The following PRODH2 variants were observed in gnomAD, a reference collection of about 807,000 sequenced individuals.
PRODH2 encodes the protein proline dehydrogenase 2.
In PRODH2, 49 loss-of-function variants were observed where a neutral mutation model predicts 51.9. The observed-to-expected ratio is 0.94, with a 90% confidence interval of 0.75 to 1.20. The LOEUF (loss-of-function observed/expected upper bound fraction) is 1.20. Among genes scored for constraint, PRODH2 ranks in the 50% most tolerant of loss-of-function variants. The probability of loss-of-function intolerance (pLI) is 0.00; values close to 1 mark genes in which losing one functional copy is unlikely to be tolerated. For synonymous variants in PRODH2, 249 were observed against 260.7 expected (o/e 0.96, Z 0.43); for missense variants, 597 against 610.9 (o/e 0.98, Z 0.24).
intron 4 of PRODH2, among the ~76,000 whole-genome samples, chr19:35,807,625 G>A (rs1369077162): frequency 7.9e-5 from 12 of 151,990 alleles, no homozygotes; most frequent in Non-Finnish European, 1.5e-4. Flanking sequence ...CTTTGAACAC[G>A]AGGGCACCTT....
At chr19:35,801,356 C>T (rs998602725) in intron 9 of PRODH2, among the ~76,000 whole-genome samples, 8 of 152,048 alleles carry the variant, frequency 5.3e-5, no homozygotes, top group Admixed American at 6.6e-5. Flanking sequence ...ATCCCAGCTA[C>T]TTGGGAGGCT....
chr19:35,806,306 A>G (rs1460803862), intron 7 of PRODH2, 124 bp downstream of exon 7: 3 of 1,275,320 alleles, frequency 2.4e-6, no homozygotes, highest in African/African-American at 1.5e-5. Context: ...CTGGTCTCCA[A>G]CTCCTGCTCT....
Position 35,812,637 on chromosome 19 carries a change from G to C in PRODH2, c.169C>G (p.Leu57Val). The C allele has an allele frequency of 6.3e-7, 1 of 1,593,270 alleles. No homozygotes were observed. The highest frequency in any genetic ancestry group is 1.3e-5 in the African/African-American group (1 of 74,730). The change falls in exon 1 of 10, where the codon CTG (leucine) becomes GTG (valine). Residue 57 changes from leucine (L) to valine (V), a missense_variant. By Grantham distance (32) the Leu-to-Val change is conservative. Transcript: ENST00000653904. The part of the protein sequence containing the change: ...CAWPPLVTHG[L>V]LLQAWSRRLL... ...TCCTCAGGATCACTGCTCACCAACA[G>C]CCCGTGAGTGACGAGTGGGGGCCAG...
intron 9 of PRODH2, among the ~76,000 whole-genome samples, chr19:35,801,075 G>A (rs1972418487): frequency 6.6e-6 from 1 of 152,102 alleles, no homozygotes; most frequent in East Asian, 1.9e-4. Flanking sequence ...GCGGAGGCAG[G>A]AGAATCACTT....
chr19:35,810,198 G>A (rs149497690), intron 4 of PRODH2, among the ~76,000 whole-genome samples: 5,856 of 149,080 alleles, frequency 0.039, 164 homozygotes, highest in Non-Finnish European at 0.055. Flanking sequence ...GGCGGAGGTC[G>A]CAGTGAGCAG....
intron 7 of PRODH2, among the ~76,000 whole-genome samples, chr19:35,804,571 T>C (rs1225064997): frequency 6.6e-6 from 1 of 152,222 alleles, no homozygotes; most frequent in Non-Finnish European, 1.5e-5. Context: ...GTGGCCAGGC[T>C]GGGATTTGAA....
chr19:35,803,730 A>T (rs778795353), intron 7 of PRODH2, among the ~76,000 whole-genome samples: 8 of 152,356 alleles, frequency 5.3e-5, no homozygotes, highest in Middle Eastern at 3.4e-3. Flanking sequence ...TCAACAGAAC[A>T]TCACTAGCAA....
At chr19:35,802,561 G>A (rs963709916) in intron 8 of PRODH2, 2 of 498,754 alleles carry the variant, frequency 4.0e-6, no homozygotes, top group East Asian at 7.0e-5. Context: ...TAATGTGTTT[G>A]TTTGTTTGTT....
chr19:35,805,619 A>C (rs987957466), intron 7 of PRODH2, among the ~76,000 whole-genome samples: 7 of 152,142 alleles, frequency 4.6e-5, no homozygotes, highest in African/African-American at 7.2e-5. Context: ...TATGTTGTGC[A>C]GATTGGGCTC....
At chr19:35,811,166 A>T (rs1972602745) in intron 4 of PRODH2, among the ~76,000 whole-genome samples, 2 of 152,076 alleles carry the variant, frequency 1.3e-5, no homozygotes, top group Admixed American at 1.3e-4. Flanking sequence ...TATATTTGAA[A>T]ATTTTTATAA....
chr19:35,810,584 C>T (rs920004839), intron 4 of PRODH2, among the ~76,000 whole-genome samples: 3 of 151,250 alleles, frequency 2.0e-5, no homozygotes, highest in Non-Finnish European at 4.4e-5. Context: ...TGCAGTGGCA[C>T]GATCTCGGTT....
intron 8 of PRODH2, chr19:35,802,613 G>C (rs917844597): frequency 4.5e-6 from 2 of 447,022 alleles, no homozygotes; most frequent in Non-Finnish European, 8.2e-6. Flanking sequence ...CCAGGCTGGA[G>C]TGCAGTGGCT....
At chr19:35,808,918 T>C (rs1211588159) in intron 4 of PRODH2, among the ~76,000 whole-genome samples, 3 of 151,160 alleles carry the variant, frequency 2.0e-5, no homozygotes, top group African/African-American at 7.3e-5. Context: ...TAACTGGGGC[T>C]ACAGGCACGT....
In PRODH2 at chr19:35,812,446, G is replaced by A. The variant is rs1034463367; in HGVS notation, c.285C>T (p.Gly95=). Residue 95 remains glycine, a synonymous_variant, in exon 2 of 10, where the codon GGC becomes GGT. Coordinates refer to ENST00000653904, the MANE Select transcript of PRODH2 (RefSeq NM_021232.2). ...TGAGGGTCCGCAGCTGCTGCACGCAGCCCTTCACCTCCTCTGCTGTCTCAC... is the reference window on the plus strand; with the variant it reads ...TGAGGGTCCGCAGCTGCTGCACGCAACCCTTCACCTCCTCTGCTGTCTCAC... ...VAGETAEEVK[G]CVQQLRTLSL... 6.2e-7 allele frequency: 1 copy of A among 1,614,224 alleles called. No individual in the cohort carries two copies. The highest frequency in any genetic ancestry group is 8.5e-7 in the Non-Finnish European group (1 of 1,180,034).
At chr19:35,810,228 C>A (rs1425119111) in intron 4 of PRODH2, among the ~76,000 whole-genome samples, 1 of 149,080 alleles carries the variant, frequency 6.7e-6, no homozygotes, top group East Asian at 1.9e-4. Context: ...CACTGCACTC[C>A]AGCCTGGGCA....
intron 7 of PRODH2, among the ~76,000 whole-genome samples, chr19:35,803,785 G>A (rs541497349): frequency 2.6e-5 from 4 of 152,194 alleles, no homozygotes; most frequent in African/African-American, 7.2e-5. Flanking sequence ...GGAAATTGTG[G>A]TACAGAGAAG....
chr19:35,802,486 C>CTTATTTGCTGGGGCATG, intron 8 of PRODH2: 1 of 600,848 alleles, frequency 1.7e-6, no homozygotes, highest in Non-Finnish European at 3.0e-6. Context: ...CCTCATGCCC[C>CTTATTTGCTGGGGCATG]AGCAAATAAG....
At chr19:35,804,552 C>T (rs986252160) in intron 7 of PRODH2, among the ~76,000 whole-genome samples, 1 of 152,242 alleles carries the variant, frequency 6.6e-6, no homozygotes, top group African/African-American at 2.4e-5. Context: ...CCAGGTCACA[C>T]AGCTAGAGGT....
intron 4 of PRODH2, among the ~76,000 whole-genome samples, chr19:35,808,906 AT>A (rs1972557938): frequency 6.8e-6 from 1 of 147,300 alleles, no homozygotes; most frequent in Non-Finnish European, 1.5e-5. Context: ...CAGCCTCCTG[AT>A]TAACTGGGGC....
Sources: allele counts gnomAD v4.1 joint callset (sites outside exome capture counted in the v4.1 genomes callset), GRCh38; gene constraint gnomAD v4.1.1; transcripts MANE v1.5; gene names NCBI Gene and HGNC (gene_info 2026-07-23, HGNC 2026-07-21).